PHF24: variants seen among roughly 807,000 people sequenced by gnomAD.
PHF24 encodes the protein PHD finger protein 24.
A neutral mutation model predicts 42.6 loss-of-function variants in PHF24; 25 were observed. The ratio of observed to expected loss-of-function variants is 0.59; its 90% confidence interval spans 0.43 to 0.82. PHF24 has a LOEUF of 0.82. Among genes scored for constraint, PHF24 ranks in the 40% least tolerant of loss-of-function variants. The pLI is 0.00. For synonymous variants in PHF24, 185 were observed against 204.8 expected (o/e 0.90, Z 0.83); for missense variants, 470 against 538.1 (o/e 0.87, Z 1.25).
the PHF24 span, among the ~76,000 whole-genome samples, chr9:34,810,321 G>T: frequency 1.3e-5 from 2 of 152,166 alleles, no homozygotes; most frequent in Non-Finnish European, 2.9e-5. Context: ...CTCTATTGGG[G>T]GGAGTCCCTG....
the PHF24 span, among the ~76,000 whole-genome samples, chr9:34,781,075 G>A: frequency 6.6e-6 from 1 of 152,160 alleles, no homozygotes; most frequent in Non-Finnish European, 1.5e-5. Flanking sequence ...AAGCAGTTTG[G>A]CAATTTTTCT....
At chr9:34,926,279 G>A in the PHF24 span, among the ~76,000 whole-genome samples, 2 of 152,230 alleles carry the variant, frequency 1.3e-5, no homozygotes, top group Non-Finnish European at 2.9e-5. This position sits in a 1 kb window ranked among gnomAD's most constrained non-coding sequence, Gnocchi z 4.3. Flanking sequence ...CCACCCTGGG[G>A]ACATGCCTGC....
upstream of PHF24, among the ~76,000 whole-genome samples, chr9:34,955,549 T>G (rs950504772): frequency 1.3e-5 from 2 of 152,176 alleles, no homozygotes; most frequent in Non-Finnish European, 2.9e-5. Flanking sequence ...TGGTGGCACA[T>G]GCCTGTAATC....
At chr9:34,715,729 C>T in the PHF24 span, among the ~76,000 whole-genome samples, 10 of 152,180 alleles carry the variant, frequency 6.6e-5, no homozygotes, top group African/African-American at 2.4e-4. Context: ...ATGATGAATT[C>T]ACCAGACTGA....
At chr9:34,713,251 A>G in the PHF24 span, among the ~76,000 whole-genome samples, 1 of 152,214 alleles carries the variant, frequency 6.6e-6, no homozygotes, top group Non-Finnish European at 1.5e-5. Flanking sequence ...ATCTTCTGAT[A>G]TATGTGGCTC....
chr9:34,914,841 A>G, the PHF24 span, among the ~76,000 whole-genome samples: 1 of 151,724 alleles, frequency 6.6e-6, no homozygotes. Context: ...GCTGAAGTGC[A>G]GTGGTGCAAT....
At chr9:34,838,101 A>G in the PHF24 span, among the ~76,000 whole-genome samples, 4 of 152,220 alleles carry the variant, frequency 2.6e-5, no homozygotes, top group Non-Finnish European at 5.9e-5. Flanking sequence ...TAGATCCCAT[A>G]TCATCTAGGT....
At chr9:34,771,379 T>G in the PHF24 span, among the ~76,000 whole-genome samples, 1 of 152,250 alleles carries the variant, frequency 6.6e-6, no homozygotes, top group Non-Finnish European at 1.5e-5. Flanking sequence ...AGTACTTGTA[T>G]GCCTGAACAT....
At position 34,972,355 on chromosome 9, in the gene PHF24, G is replaced by A. The variant is rs181962423; in HGVS notation, c.388G>A (p.Asp130Asn). 4,456 of 1,602,700 alleles carry A rather than the reference G, an allele frequency of 2.8e-3. 4 individuals are homozygous for A. The highest frequency in any genetic ancestry group is 3.4e-3 in the Non-Finnish European group (4,026 of 1,172,882). Residue 130 changes from aspartate (D) to asparagine (N), a missense_variant, in exon 3 of 8, where the codon GAT becomes AAT. Coordinates refer to ENST00000242315, the Ensembl canonical transcript of PHF24. Reference sequence around the variant, plus strand: ...TGCCATCTTTCTGCAGGTTGTCAACGATGAGATGTGTGATGTTTGTGAGGT... The same window carrying A: ...TGCCATCTTTCTGCAGGTTGTCAACAATGAGATGTGTGATGTTTGTGAGGT...
chr9:34,814,179 A>G, the PHF24 span, among the ~76,000 whole-genome samples: 1 of 152,142 alleles, frequency 6.6e-6, no homozygotes, highest in Non-Finnish European at 1.5e-5. Context: ...GTCTTTGTTA[A>G]TTGATTTCCT....
chr9:34,918,348 A>C, the PHF24 span: 1 of 754,648 alleles, frequency 1.3e-6, no homozygotes, highest in Non-Finnish European at 2.4e-6. Flanking sequence ...ATCCCACTCC[A>C]ACTCTTCCCC....
chr9:34,869,406 G>A, the PHF24 span, among the ~76,000 whole-genome samples: 1 of 152,004 alleles, frequency 6.6e-6, no homozygotes, highest in Admixed American at 6.6e-5. Flanking sequence ...CCACAACCTG[G>A]CCAGCATCTG....
chr9:34,700,142 G>A, the PHF24 span, among the ~76,000 whole-genome samples: 1 of 152,202 alleles, frequency 6.6e-6, no homozygotes, highest in African/African-American at 2.4e-5. Context: ...GAGGGTGGTA[G>A]GAGATATACA....
the PHF24 span, among the ~76,000 whole-genome samples, chr9:34,939,924 T>A: frequency 6.6e-6 from 1 of 152,202 alleles, no homozygotes; most frequent in African/African-American, 2.4e-5. Context: ...AGGTGGGGTG[T>A]GACAGAGCAG....
At chr9:34,709,294 C>T in the PHF24 span, 12 of 1,437,718 alleles carry the variant, frequency 8.3e-6, no homozygotes, top group Non-Finnish European at 1.1e-5. Flanking sequence ...GGTGGCTGCT[C>T]CAGGGCCCCT....
the PHF24 span, among the ~76,000 whole-genome samples, chr9:34,893,573 C>G: frequency 6.6e-6 from 1 of 151,568 alleles, no homozygotes; most frequent in Non-Finnish European, 1.5e-5. Flanking sequence ...TGTACTCCAG[C>G]CTGGGCAACA....
chr9:34,709,471 C>G, the PHF24 span: 1 of 1,613,810 alleles, frequency 6.2e-7, no homozygotes, highest in South Asian at 1.1e-5. Context: ...CTGAGGCTCC[C>G]CTTTACCCAC....
chr9:34,720,211 G>T, the PHF24 span, among the ~76,000 whole-genome samples: 1 of 152,048 alleles, frequency 6.6e-6, no homozygotes, highest in Non-Finnish European at 1.5e-5. Context: ...TTGGGAGGCC[G>T]AGGCGGGTGG....
upstream of PHF24, among the ~76,000 whole-genome samples, chr9:34,953,708 G>T (rs189112414): frequency 5.9e-5 from 9 of 152,090 alleles, no homozygotes; most frequent in Non-Finnish European, 1.2e-4. This position sits in a 1 kb window ranked among gnomAD's most constrained non-coding sequence, Gnocchi z 4.1. Context: ...GCTTTGAGAG[G>T]CCAAGGTGGG....
Sources: gnomAD v4.1 joint callset for allele counts (sites outside exome capture counted in the v4.1 genomes callset) on GRCh38, gnomAD v4.1.1 for gene constraint, Gnocchi (gnomAD v3.1) non-coding constraint, MANE v1.5 for transcripts, NCBI Gene and HGNC (gene_info 2026-07-23, HGNC 2026-07-21) for gene names.